EXOC5: variants seen among roughly 807,000 people sequenced by gnomAD.
EXOC5 encodes the protein exocyst complex component 5.
EXOC5 carries 17 observed loss-of-function variants against 90.8 expected under a neutral mutation model. The ratio of observed to expected loss-of-function variants is 0.19; its 90% CI spans 0.13 to 0.28. EXOC5 has a LOEUF of 0.28. Ranked by LOEUF, EXOC5 falls within the 10% of genes least tolerant of loss-of-function variation. The probability of loss-of-function intolerance (pLI) is 1.00; values close to 1 mark genes in which losing one functional copy is unlikely to be tolerated. For synonymous variants in EXOC5, 260 were observed against 270.0 expected, an observed-to-expected ratio of 0.96 and a Z score of 0.36; for missense variants, 569 against 830.6, an observed-to-expected ratio of 0.69 and a Z score of 3.87.
chr14:57,253,028 C>T (rs571345131), intron 1 of EXOC5, among the ~76,000 whole-genome samples: 2 of 152,012 alleles, frequency 1.3e-5, no homozygotes, highest in African/African-American at 2.4e-5. Flanking sequence ...TAAAATAAGC[C>T]AGGAATAGAA....
chr14:57,237,939 A>T (rs1032044290), intron 5 of EXOC5, among the ~76,000 whole-genome samples: 8 of 152,126 alleles, frequency 5.3e-5, no homozygotes, highest in Non-Finnish European at 1.0e-4. Flanking sequence ...CAAATTAAAA[A>T]ACTAAAATAC....
rs113792518 is a variant in EXOC5 at position 57,231,725 on chromosome 14, A to G, written c.939-10T>C. On this transcript the variant is annotated splice_polypyrimidine_tract_variant and intron_variant, in intron 10 of 17. Coordinates refer to ENST00000621441, the MANE Select transcript of EXOC5 (RefSeq NM_006544.4). ...GGAAAGATTGGTGGTTCTTTTCATG[A>G]AAAAGGGGGAGAAAAAGATTAATAT... 3.7e-4 allele frequency: 568 copies of G among 1,548,372 alleles called. 1 individual carries two copies. Among genetic ancestry groups the G allele is most frequent in the Non-Finnish European group, 4.8e-4 (546 of 1,134,626 alleles).
chr14:57,230,511 G>C (rs1331035048), intron 11 of EXOC5, among the ~76,000 whole-genome samples: 1 of 151,648 alleles, frequency 6.6e-6, no homozygotes, highest in African/African-American at 2.4e-5. Flanking sequence ...TACCTTTCAG[G>C]TATTACCTCT....
intron 1 of EXOC5, among the ~76,000 whole-genome samples, chr14:57,249,828 G>T (rs1884136908): frequency 6.6e-6 from 1 of 152,122 alleles, no homozygotes; most frequent in Non-Finnish European, 1.5e-5. Flanking sequence ...CTGGAGTGCA[G>T]TGGCATGATC....
chr14:57,262,669 T>C (rs1312154713), intron 1 of EXOC5, among the ~76,000 whole-genome samples: 2 of 146,088 alleles, frequency 1.4e-5, no homozygotes, highest in East Asian at 1.9e-4. Context: ...TATACATAAG[T>C]GTATATATAT....
At chr14:57,237,097 C>A (rs551894907) in intron 6 of EXOC5, among the ~76,000 whole-genome samples, 1 of 152,012 alleles carries the variant, frequency 6.6e-6, no homozygotes, top group African/African-American at 2.4e-5. Context: ...TGTACACACA[C>A]ACATATATAG....
rs958820195 is a variant in EXOC5, at chr14:57,204,504, T to C, written c.*4105A>G. On this transcript the variant is annotated 3_prime_UTR_variant, in exon 18 of 18. Coordinates refer to ENST00000621441, the MANE Select transcript of EXOC5 (RefSeq NM_006544.4). ...ATTTAAAAACTACCAATGTACTAAA[T>C]AGTTAACACAATTGGCAAGCCTATG... The C allele has an allele frequency of 1.3e-5, 2 of 152,286 alleles. No individual in the cohort carries two copies. Among genetic ancestry groups the C allele is most frequent in the African/African-American group, 2.4e-5 (1 of 41,448 alleles). The allele number at this position is 152,286 out of a possible 1,614,324, so 9.4% of individuals were successfully genotyped here.
Position 57,205,676 on chromosome 14 carries a change from ATAAT to A in EXOC5, c.*2929_*2932del, listed in dbSNP as rs1251776471. 6.9e-4 allele frequency: 237 copies of A among 341,654 alleles called. No homozygotes were observed. The highest frequency in any genetic ancestry group is 9.6e-4 in the Non-Finnish European group (171 of 178,728). 21.2% of individuals were successfully genotyped at this position (341,654 alleles called of 1,614,324 possible). ...CCACTTGGAATCAATCTACTGATTG[ATAAT>A]TAAATTATTTCACTGTGAACCAGAA... On this transcript the variant is annotated 3_prime_UTR_variant, in exon 18 of 18. Transcript: ENST00000621441.
intron 1 of EXOC5, 109 bp downstream of exon 1, chr14:57,268,513 T>C: frequency 1.3e-6 from 2 of 1,530,476 alleles, no homozygotes; most frequent in Non-Finnish European, 1.7e-6. Context: ...CGCACCTCTC[T>C]CCCGAGGGCT....
intron 15 of EXOC5, among the ~76,000 whole-genome samples, chr14:57,216,627 C>T (rs970004247): frequency 6.6e-6 from 1 of 152,022 alleles, no homozygotes; most frequent in African/African-American, 2.4e-5. Flanking sequence ...ATACTCTACA[C>T]AAAAAAACCC....
chr14:57,242,286 C>G (rs1234343730), intron 4 of EXOC5, among the ~76,000 whole-genome samples: 2 of 151,632 alleles, frequency 1.3e-5, no homozygotes, highest in Non-Finnish European at 2.9e-5. Flanking sequence ...TGTCTGTCAC[C>G]CAGGCTGGAG....
chr14:57,264,163 C>T (rs1884600331), intron 1 of EXOC5, among the ~76,000 whole-genome samples: 1 of 152,196 alleles, frequency 6.6e-6, no homozygotes, highest in Admixed American at 6.5e-5. Flanking sequence ...TCTATCATAT[C>T]CATGTTACTA....
chr14:57,261,244 G>A (rs956793168), intron 1 of EXOC5, among the ~76,000 whole-genome samples: 1 of 152,106 alleles, frequency 6.6e-6, no homozygotes, highest in Non-Finnish European at 1.5e-5. Flanking sequence ...AAGAGAACAA[G>A]GCAATCAATC....
At chr14:57,229,454 A>G (rs1213712134) in intron 12 of EXOC5, among the ~76,000 whole-genome samples, 1 of 152,172 alleles carries the variant, frequency 6.6e-6, no homozygotes, top group Non-Finnish European at 1.5e-5. Context: ...TCTGTACTGA[A>G]TATGTACTGT....
At chr14:57,241,324 C>T (rs904224906) in intron 4 of EXOC5, among the ~76,000 whole-genome samples, 2 of 152,206 alleles carry the variant, frequency 1.3e-5, no homozygotes, top group Admixed American at 6.5e-5. Flanking sequence ...CTACCAAACA[C>T]TCACTCTGTC....
At position 57,208,794 on chromosome 14, in the gene EXOC5, G is replaced by A. The variant is rs553700087; in HGVS notation, c.1942C>T (p.Pro648Ser). Reference protein sequence around the residue: ...YRKCAKDFKIPMVLHLFDTLH... With the variant: ...YRKCAKDFKISMVLHLFDTLH... ...GTATCAAAAAGATGTAATACCATTG[G>A]AATCTGAATTGAGAGAAGAAAAAAA... The change falls in exon 18 of 18, where the codon CCA (proline) becomes TCA (serine). Residue 648 changes from proline to serine, a missense_variant. Pro to Ser is a moderately conservative substitution (Grantham distance 74). This residue lies in a region of EXOC5 where 122 missense variants were observed against 180.0 expected (regional missense o/e 0.68). Transcript: ENST00000621441. 29 of 1,565,152 alleles carry A rather than the reference G, an allele frequency of 1.9e-5. No homozygotes were observed. The African/African-American group carries it at 3.7e-4, about 20-fold the overall frequency.
intron 11 of EXOC5, among the ~76,000 whole-genome samples, 173 bp downstream of exon 11, chr14:57,231,333 G>T (rs1033701670): frequency 6.6e-6 from 1 of 151,968 alleles, no homozygotes; most frequent in African/African-American, 2.4e-5. Context: ...GTTATGTTAG[G>T]TCATTTCAAC....
chr14:57,234,980 A>G (rs1270337391), intron 7 of EXOC5, among the ~76,000 whole-genome samples: 1 of 152,152 alleles, frequency 6.6e-6, no homozygotes, highest in African/African-American at 2.4e-5. Context: ...AAACAAACTG[A>G]TTTGTCATTA....
rs755461250 is a variant in EXOC5 at position 57,268,517 on chromosome 14, G to A, written c.27+105C>T. The A allele has an allele frequency of 5.6e-4, 852 of 1,531,934 alleles. 2 individuals carry two copies. Among genetic ancestry groups the A allele is most frequent in the Non-Finnish European group, 7.2e-4 (819 of 1,143,732 alleles). The allele number at this position is 1,531,934 out of a possible 1,614,324, so 94.9% of individuals were successfully genotyped here. ...CCCTTCTGTTTCGCACCTCTCTCCC[G>A]AGGGCTCCTCCTGGGCAGCCAGCAA... On this transcript the variant is annotated intron_variant, in intron 1 of 17. Transcript: ENST00000621441.
Sources: allele counts gnomAD v4.1 joint callset (sites outside exome capture counted in the v4.1 genomes callset), GRCh38; gene constraint gnomAD v4.1.1; regional missense constraint gnomAD v4.1.1; transcripts MANE v1.5; gene names NCBI Gene and HGNC (gene_info 2026-07-23, HGNC 2026-07-21).